The following AHRR variants were observed in gnomAD, a reference collection of about 807,000 sequenced individuals.
The protein encoded by AHRR is aryl hydrocarbon receptor repressor.
AHRR carries 28 observed loss-of-function variants against 44.0 expected under a neutral mutation model. The observed-to-expected ratio is 0.64, with a 90% CI of 0.47 to 0.87. The LOEUF (loss-of-function observed/expected upper bound fraction) is 0.87. Ranked by LOEUF, AHRR falls within the 40% of genes least tolerant of loss-of-function variation. AHRR has a pLI of 0.00. For missense variants in AHRR, 990 were observed against 953.9 expected, an observed-to-expected ratio of 1.04 and a Z score of -0.50; for synonymous variants, 434 against 407.0, an observed-to-expected ratio of 1.07 and a Z score of -0.80.
rs1002305959 is a variant in AHRR, at chr5:437,279, G to A, written c.*2445G>A. ...TTGGAGTTCCCTGTTCTGAGGGCCA[G>A]CCACGTCCTGTGTCCTGGAGCTTAG... On this transcript the variant is annotated 3_prime_UTR_variant, in exon 11 of 11. Coordinates refer to ENST00000684583, the MANE Select transcript of AHRR (RefSeq NM_001377236.1). 1.3e-5 allele frequency: 2 copies of A among 152,356 alleles called. No individual in the cohort carries two copies. The highest frequency in any genetic ancestry group is 2.1e-4 in the South Asian group (1 of 4,834). The allele number at this position is 152,356 out of a possible 1,614,324, so 9.4% of individuals were successfully genotyped here.
chr5:355,339 C>T (rs1418642834), intron 3 of AHRR, among the ~76,000 whole-genome samples: 1 of 152,222 alleles, frequency 6.6e-6, no homozygotes, highest in African/African-American at 2.4e-5. Context: ...GGCAGGCTCC[C>T]AGGTTTGCCT....
At position 398,114 on chromosome 5, in the gene AHRR, ATCCACGTAGCTCCTGACCG is replaced by A. The variant is rs1560907551; in HGVS notation, c.352-15225_352-15207del. ...CTGACCATCCACGTAGCTCCTGACC[ATCCACGTAGCTCCTGACCG>A]TCCATGTTAGCCCCTGACCATCCAC... On this transcript the variant is annotated intron_variant, in intron 4 of 10. Coordinates refer to ENST00000684583, the MANE Select transcript of AHRR (RefSeq NM_001377236.1). Among the ~76,000 whole-genome samples the A allele has an allele frequency of 8.0e-3, 889 of 111,524 alleles. 4 individuals are homozygous for A. Among genetic ancestry groups the A allele is most frequent in the African/African-American group, 0.025 (618 of 25,150 alleles). The allele number at this position is 111,524 out of a possible 152,430, so 73.2% of individuals were successfully genotyped here.
At chr5:367,737 C>A in intron 3 of AHRR, 1 of 649,872 alleles carries the variant, frequency 1.5e-6, no homozygotes, top group South Asian at 1.7e-5. Context: ...CCCTCTGCTG[C>A]TCGTTCTCTC....
At chr5:415,501 C>G (rs13176159) in intron 5 of AHRR, among the ~76,000 whole-genome samples, 556 of 14,774 alleles carry the variant, frequency 0.038, 28 homozygotes, top group Non-Finnish European at 0.068. Context: ...GGCCGAGTCT[C>G]CCTGGTCGGG....
intron 3 of AHRR, among the ~76,000 whole-genome samples, chr5:367,643 G>T (rs951387687): frequency 4.6e-5 from 7 of 152,166 alleles, no homozygotes; most frequent in Non-Finnish European, 1.0e-4. Context: ...CCTCCTGCTG[G>T]GTCTCTTGTC....
At position 411,870 on chromosome 5, in the gene AHRR, C is replaced by A. The variant is rs1352617771; in HGVS notation, c.352-1474C>A. Among the ~76,000 whole-genome samples, 1 of 152,200 alleles carries A rather than the reference C, an allele frequency of 6.6e-6. No homozygotes were observed. The highest frequency in any genetic ancestry group is 1.9e-4 in the East Asian group (1 of 5,194). On this transcript the variant is annotated intron_variant, in intron 4 of 10. Coordinates refer to ENST00000684583, the MANE Select transcript of AHRR (RefSeq NM_001377236.1). This position sits in a 1 kb window ranked among gnomAD's most constrained non-coding sequence, Gnocchi z 4.2. Reference sequence around the variant, plus strand: ...TCCAGGTGACTCAGCCCCCTCACCCCCAGCTTCTACCTCGTGTGGGATGTG... The same window carrying A: ...TCCAGGTGACTCAGCCCCCTCACCCACAGCTTCTACCTCGTGTGGGATGTG...
At chr5:349,244 A>G (rs1742778593) in intron 2 of AHRR, among the ~76,000 whole-genome samples, 1 of 152,186 alleles carries the variant, frequency 6.6e-6, no homozygotes, top group African/African-American at 2.4e-5. Flanking sequence ...CCTAAAGCTT[A>G]TCTTTTCAAT....
intron 4 of AHRR, among the ~76,000 whole-genome samples, chr5:399,286 G>A (rs1051190565): frequency 2.6e-5 from 4 of 152,248 alleles, no homozygotes; most frequent in African/African-American, 9.6e-5. Context: ...CCGGCAGGAT[G>A]GGCCTGGCGC....
At chr5:426,617 G>A (rs1353787066) in intron 7 of AHRR, among the ~76,000 whole-genome samples, 2 of 110,562 alleles carry the variant, frequency 1.8e-5, no homozygotes, top group Non-Finnish European at 4.3e-5. Flanking sequence ...ATGGATGGAT[G>A]GACGGATGGG....
At chr5:376,073 G>C (rs1733613663) in intron 3 of AHRR, among the ~76,000 whole-genome samples, 1 of 152,206 alleles carries the variant, frequency 6.6e-6, no homozygotes, top group Non-Finnish European at 1.5e-5. Flanking sequence ...TAGGGAGGGG[G>C]CTGCGTGGGT....
Position 405,500 on chromosome 5 carries a change from C to T in AHRR, c.352-7844C>T, listed in dbSNP as rs561395427. On this transcript the variant is annotated intron_variant, in intron 4 of 10. Transcript: ENST00000684583. This position sits in a 1 kb window ranked among gnomAD's most constrained non-coding sequence, Gnocchi z 4.5. ...GCAGGGGCTCCCTGACATCTTCCTC[C>T]GAGTGGGAGGTGCTTTGTGAGACTT... Among the ~76,000 whole-genome samples the T allele has an allele frequency of 1.3e-3, 192 of 152,200 alleles. No individual in the cohort carries two copies. The highest frequency in any genetic ancestry group is 2.1e-3 in the Non-Finnish European group (140 of 68,038).
chr5:407,245 T>C (rs1675286886), intron 4 of AHRR, among the ~76,000 whole-genome samples: 1 of 152,244 alleles, frequency 6.6e-6, no homozygotes, highest in Non-Finnish European at 1.5e-5. Context: ...AGCGTGTTGA[T>C]AAATTGACTC....
At chr5:422,638 G>T in intron 5 of AHRR, 91 bp from the exon 6 acceptor site, 1 of 1,563,386 alleles carries the variant, frequency 6.4e-7, no homozygotes, top group Non-Finnish European at 8.8e-7. Context: ...TTTGACAAGT[G>T]GAGTGGAAAT....
chr5:427,513 G>A (rs1337795276), intron 7 of AHRR: 1 of 1,201,218 alleles, frequency 8.3e-7, no homozygotes, highest in Non-Finnish European at 1.2e-6. Context: ...TGCGCATGGG[G>A]TGGCACACAT....
intron 4 of AHRR, among the ~76,000 whole-genome samples, chr5:390,584 G>A (rs555771248): frequency 6.6e-6 from 1 of 152,312 alleles, no homozygotes; most frequent in South Asian, 2.1e-4. Flanking sequence ...AAATAATAAA[G>A]TCAGGAAAAT....
At chr5:399,410 C>G (rs149221546) in intron 4 of AHRR, among the ~76,000 whole-genome samples, 1 of 152,200 alleles carries the variant, frequency 6.6e-6, no homozygotes, top group East Asian at 1.9e-4. Flanking sequence ...GAAAGCGGGT[C>G]CTGGTTTTAA....
intron 4 of AHRR, among the ~76,000 whole-genome samples, chr5:386,320 A>T (rs1734167075): frequency 6.6e-6 from 1 of 152,274 alleles, no homozygotes; most frequent in Admixed American, 6.5e-5. Context: ...AGCTGTTCAC[A>T]TGCTGATTCC....
At chr5:432,225 A>G in intron 8 of AHRR, 2 of 495,770 alleles carry the variant, frequency 4.0e-6, no homozygotes, top group Non-Finnish European at 7.2e-6. Flanking sequence ...AAGCAAATTC[A>G]TTAGCCCTTC....
At position 326,596 on chromosome 5, in the gene AHRR, T is replaced by C. The variant is rs1324023349; in HGVS notation, c.-11+4777T>C. Among the ~76,000 whole-genome samples, 1 of 152,236 alleles carries C rather than the reference T, an allele frequency of 6.6e-6. No homozygotes were observed. The highest frequency in any genetic ancestry group is 1.5e-5 in the Non-Finnish European group (1 of 68,044). ...AATGCTTTTACTTCTGTTAGGTGTG[T>C]ACCTAGGAGTGGAGTTACTGGATCA... On this transcript the variant is annotated intron_variant, in intron 1 of 10. Transcript: ENST00000684583. This position sits in a 1 kb window ranked among gnomAD's most constrained non-coding sequence, Gnocchi z 4.1.
Sources: gnomAD v4.1 joint callset for allele counts (sites outside exome capture counted in the v4.1 genomes callset) on GRCh38, gnomAD v4.1.1 for gene constraint, Gnocchi (gnomAD v3.1) non-coding constraint, MANE v1.5 for transcripts, NCBI Gene and HGNC (gene_info 2026-07-23, HGNC 2026-07-21) for gene names.